MLIP: variants seen among roughly 807,000 people sequenced by gnomAD.
MLIP encodes muscular LMNA interacting protein, also known as muscular LMNA-interacting protein.
A neutral mutation model predicts 84.8 loss-of-function variants in MLIP; 79 were observed. The observed-to-expected ratio is 0.93, with a 90% CI of 0.78 to 1.12. The LOEUF (loss-of-function observed/expected upper bound fraction) is 1.12, where lower values mean the gene tolerates loss of function less well. Ranked by LOEUF, MLIP falls within the 50% of genes most tolerant of loss-of-function variation. The pLI is 0.00. For synonymous variants in MLIP, 504 were observed against 463.0 expected (o/e 1.09, Z -1.14); for missense variants, 1,257 against 1,160.6 (o/e 1.08, Z -1.21).
chr6:54,054,084 T>A (rs2150320831), intron 1 of MLIP, among the ~76,000 whole-genome samples: 1 of 152,332 alleles, frequency 6.6e-6, no homozygotes, highest in Middle Eastern at 3.4e-3. Flanking sequence ...GAATGTGGCA[T>A]ATGTACAAGT....
rs183609562 is a variant in MLIP at position 54,163,658 on chromosome 6, T to G, written c.2499+2859T>G. 6.6e-5 allele frequency among the ~76,000 whole-genome samples: 10 copies of G among 152,144 alleles called. No individual in the cohort carries two copies. The East Asian group carries it at 1.9e-3, about 30-fold the overall frequency. On this transcript the variant is annotated intron_variant, in intron 8 of 13. Coordinates refer to ENST00000502396, the MANE Select transcript of MLIP (RefSeq NM_001281747.2). ...ACTTTCTACTTGTTTTTAATCAACC[T>G]GTATATACAAACACAAGCACATACA...
chr6:54,235,810 G>A (rs1781320043), intron 12 of MLIP, among the ~76,000 whole-genome samples: 1 of 152,078 alleles, frequency 6.6e-6, no homozygotes, highest in Non-Finnish European at 1.5e-5. Context: ...TGGGAACATA[G>A]GTAGGGTGGG....
intron 12 of MLIP, among the ~76,000 whole-genome samples, chr6:54,239,221 A>G (rs12201557): frequency 0.13 from 20,048 of 151,166 alleles, 1,520 homozygotes; most frequent in African/African-American, 0.2. Flanking sequence ...TAGCCTGAAC[A>G]CTCTCACTCG....
At chr6:54,178,022 A>G (rs1252654338) in intron 9 of MLIP, among the ~76,000 whole-genome samples, 1 of 152,058 alleles carries the variant, frequency 6.6e-6, no homozygotes, top group Admixed American at 6.6e-5. Context: ...GGCAGGGTGG[A>G]GGGGAACAAC....
intron 12 of MLIP, among the ~76,000 whole-genome samples, chr6:54,232,245 T>A (rs576956133): frequency 6.6e-6 from 1 of 152,182 alleles, no homozygotes; most frequent in Non-Finnish European, 1.5e-5. Flanking sequence ...TAAATTGTCA[T>A]CTATATGATA....
intron 11 of MLIP, among the ~76,000 whole-genome samples, chr6:54,213,792 GT>G (rs5876370): frequency 0.68 from 94,310 of 139,512 alleles, 33,838 homozygotes; most frequent in Non-Finnish European, 0.8. Flanking sequence ...ACAAAAAAAA[GT>G]TTTTTTTTAA....
In MLIP at chr6:54,145,353, C is replaced by T. The variant is rs147478127; in HGVS notation, c.2218-3703C>T. ...GATCGAGTACATATTGTTAAGAGAACCCAGAGGAAAAACAGTGGACTCAAA... is the reference window on the plus strand; with the variant it reads ...GATCGAGTACATATTGTTAAGAGAATCCAGAGGAAAAACAGTGGACTCAAA... On this transcript the variant is annotated intron_variant, in intron 4 of 13. Transcript: ENST00000502396. Among the ~76,000 whole-genome samples the T allele has an allele frequency of 9.9e-3, 1,501 of 152,060 alleles. 30 individuals are homozygous for T. The highest frequency in any genetic ancestry group is 0.033 in the African/African-American group (1,386 of 41,480).
Position 54,215,495 on chromosome 6 carries a change from A to G in MLIP, c.2718+13262A>G, listed in dbSNP as rs1235997157. The G allele has an allele frequency of 1.5e-5, 12 of 781,208 alleles. No individual in the cohort carries two copies. In the South Asian group the frequency reaches 3.3e-4, roughly 21 times the overall value. 48.4% of individuals were successfully genotyped at this position (781,208 alleles called of 1,614,324 possible). A position where few individuals can be genotyped will look rare whatever the true frequency, so the allele number is the denominator to read the frequency against. ...TATTGCAGTATAATTGACAAAAATT[A>G]TACCTATTTAAGGTGTAAAATGTGA... On this transcript the variant is annotated intron_variant, in intron 11 of 13. Transcript: ENST00000502396.
At chr6:54,151,865 A>C (rs1364968312) in intron 5 of MLIP, among the ~76,000 whole-genome samples, 1 of 152,126 alleles carries the variant, frequency 6.6e-6, no homozygotes, top group South Asian at 2.1e-4. Context: ...TTGCAATGAG[A>C]TGTTAAGCTC....
intron 4 of MLIP, among the ~76,000 whole-genome samples, chr6:54,140,665 A>G (rs1324143039): frequency 3.9e-5 from 6 of 152,286 alleles, no homozygotes; most frequent in African/African-American, 1.4e-4. Context: ...TTTAGGTAAA[A>G]ATCAGAAAGT....
intron 1 of MLIP, among the ~76,000 whole-genome samples, chr6:54,020,929 C>G (rs915979223): frequency 6.6e-6 from 1 of 152,170 alleles, no homozygotes; most frequent in Non-Finnish European, 1.5e-5. Context: ...GTTAAGTGTA[C>G]AAGCAAATAG....
chr6:54,043,530 C>A (rs1205154534), intron 1 of MLIP: 3 of 152,244 alleles, frequency 2.0e-5, no homozygotes, highest in African/African-American at 7.2e-5. Flanking sequence ...AGCTGCTCCA[C>A]CCACAGCCTG....
chr6:54,187,955 C>T (rs1426585402), intron 9 of MLIP, among the ~76,000 whole-genome samples: 1 of 152,066 alleles, frequency 6.6e-6, no homozygotes, highest in African/African-American at 2.4e-5. Flanking sequence ...TGCAGTGAGC[C>T]GAGATTGCAC....
chr6:54,197,217 A>C (rs1778360496), intron 10 of MLIP, among the ~76,000 whole-genome samples: 2 of 152,084 alleles, frequency 1.3e-5, no homozygotes. Flanking sequence ...AAGGTGAGGC[A>C]TTAGAGAGCT....
intron 9 of MLIP, among the ~76,000 whole-genome samples, chr6:54,173,776 T>C (rs1776004551): frequency 6.6e-6 from 1 of 151,998 alleles, no homozygotes; most frequent in South Asian, 2.1e-4. Flanking sequence ...TAAATTATTA[T>C]TGACTATAGT....
intron 12 of MLIP, among the ~76,000 whole-genome samples, chr6:54,231,816 T>C (rs186620632): frequency 2.6e-4 from 40 of 152,258 alleles, no homozygotes; most frequent in African/African-American, 8.7e-4. Context: ...CAGAATGTAG[T>C]TGGATAATAC....
chr6:54,244,293 G>A (rs2150845908), intron 12 of MLIP, among the ~76,000 whole-genome samples: 1 of 152,228 alleles, frequency 6.6e-6, no homozygotes, highest in Non-Finnish European at 1.5e-5. Flanking sequence ...TAGCTATCGA[G>A]ATGATTAAAA....
chr6:54,236,084 G>A (rs956319378), intron 12 of MLIP, among the ~76,000 whole-genome samples: 1 of 152,064 alleles, frequency 6.6e-6, no homozygotes, highest in African/African-American at 2.4e-5. Flanking sequence ...TCTCTGTTCT[G>A]TTCATGTCCC....
intron 9 of MLIP, among the ~76,000 whole-genome samples, chr6:54,172,941 A>G (rs1775918227): frequency 6.6e-6 from 1 of 151,708 alleles, no homozygotes; most frequent in East Asian, 1.9e-4. Context: ...TTTAAGTGTA[A>G]TAGAATTGAA....
Sources: allele counts gnomAD v4.1 joint callset (sites outside exome capture counted in the v4.1 genomes callset), GRCh38; gene constraint gnomAD v4.1.1; transcripts MANE v1.5; gene names NCBI Gene and HGNC (gene_info 2026-07-23, HGNC 2026-07-21).